SLC2A9: variants seen among roughly 807,000 people sequenced by gnomAD.
SLC2A9 encodes solute carrier family 2 member 9.
SLC2A9 carries 39 observed loss-of-function variants against 50.6 expected under a neutral mutation model. The ratio of observed to expected loss-of-function variants is 0.77; its 90% CI spans 0.60 to 1.01. The LOEUF (loss-of-function observed/expected upper bound fraction) is 1.01, where lower values mean the gene tolerates loss of function less well. Among genes scored for constraint, SLC2A9 ranks in the 50% least tolerant of loss-of-function variants. SLC2A9 has a pLI of 0.00. For synonymous variants in SLC2A9, 324 were observed against 276.9 expected (o/e 1.17, Z -1.69); for missense variants, 686 against 677.6 (o/e 1.01, Z -0.14).
chr4:9,792,161 TTC>T (rs1491396958), intron 3 of SLC2A9, among the ~76,000 whole-genome samples: 1 of 128,548 alleles, frequency 7.8e-6, no homozygotes, highest in African/African-American at 2.8e-5. Context: ...TATTCTATGT[TTC>T]TTTTTTTTTT....
chr4:9,887,888 A>T (rs1736587460), intron 9 of SLC2A9, among the ~76,000 whole-genome samples: 1 of 152,222 alleles, frequency 6.6e-6, no homozygotes, highest in African/African-American at 2.4e-5. Context: ...GTCCTGGCAT[A>T]CAGGAAGTGG....
intron 7 of SLC2A9, among the ~76,000 whole-genome samples, chr4:9,911,489 C>T (rs1057133901): frequency 1.3e-5 from 2 of 152,160 alleles, no homozygotes; most frequent in African/African-American, 2.4e-5. Flanking sequence ...GTGCATCCTG[C>T]CCCGGAGCCC....
chr4:9,918,108 T>C (rs1424381094), intron 7 of SLC2A9, among the ~76,000 whole-genome samples: 2 of 152,174 alleles, frequency 1.3e-5, no homozygotes, highest in Non-Finnish European at 2.9e-5. Context: ...CCTGTGGGGC[T>C]GTTTGGGGCT....
Position 10,000,232 on chromosome 4 carries a change from T to A in SLC2A9, c.250-3291A>T, listed in dbSNP as rs112018594. ...CAGACCTCAGTGCACAAGATACTGA[T>A]CTACGTCATCCACTGACTCATTCAA... On this transcript the variant is annotated intron_variant, in intron 2 of 11. Transcript: ENST00000264784. Among the ~76,000 whole-genome samples, 418 of 152,342 alleles carry A rather than the reference T, an allele frequency of 2.7e-3. 3 individuals are homozygous for A. Among genetic ancestry groups the A allele is most frequent in the African/African-American group, 9.3e-3 (387 of 41,582 alleles).
chr4:9,927,284 T>C (rs1172659217), intron 6 of SLC2A9, among the ~76,000 whole-genome samples: 1 of 152,278 alleles, frequency 6.6e-6, no homozygotes, highest in Non-Finnish European at 1.5e-5. Context: ...CCCAAAGTGC[T>C]GGGATTACAG....
At chr4:10,039,927 A>G (rs968395193) in intron 1 of SLC2A9, among the ~76,000 whole-genome samples, 1 of 152,272 alleles carries the variant, frequency 6.6e-6, no homozygotes, top group Non-Finnish European at 1.5e-5. Flanking sequence ...CGCCAGTTCC[A>G]GGGCAGCACT....
At chr4:9,808,485 T>G (rs2108976264) in intron 3 of SLC2A9, among the ~76,000 whole-genome samples, 1 of 152,246 alleles carries the variant, frequency 6.6e-6, no homozygotes, top group South Asian at 2.1e-4. Flanking sequence ...AATTCCTCAG[T>G]CCCTGGAATT....
At chr4:10,023,599 G>A (rs1763654690), upstream of SLC2A9, among the ~76,000 whole-genome samples, 1 of 152,218 alleles carries the variant, frequency 6.6e-6, no homozygotes, top group African/African-American at 2.4e-5. Flanking sequence ...GCTACAGCTG[G>A]ACAGAAAGTA....
intron 6 of SLC2A9, among the ~76,000 whole-genome samples, chr4:9,921,818 A>C (rs1421909057): frequency 1.3e-5 from 2 of 152,262 alleles, no homozygotes; most frequent in African/African-American, 2.4e-5. Flanking sequence ...AAAATGCAAC[A>C]TCTATGTGAT....
At chr4:9,844,017 T>C (rs1328685653) in intron 10 of SLC2A9, among the ~76,000 whole-genome samples, 1 of 152,142 alleles carries the variant, frequency 6.6e-6, no homozygotes, top group African/African-American at 2.4e-5. Context: ...ATTTGAGGCA[T>C]AGAATCCTAT....
intron 2 of SLC2A9, chr4:10,009,561 C>T (rs766025083): frequency 9.2e-5 from 14 of 152,182 alleles, no homozygotes; most frequent in Non-Finnish European, 1.8e-4. Context: ...TCTACAGAAA[C>T]CCTGGGCTTA....
At chr4:9,879,388 G>A in intron 10 of SLC2A9, 2 of 973,962 alleles carry the variant, frequency 2.1e-6, no homozygotes. Flanking sequence ...GTGTATGTGT[G>A]TGTGTGTGTG....
chr4:9,819,463 T>C (rs1357912556), intron 3 of SLC2A9, among the ~76,000 whole-genome samples: 1 of 152,242 alleles, frequency 6.6e-6, no homozygotes, highest in East Asian at 1.9e-4. Context: ...TTATTTGCCA[T>C]TTGTATACCT....
downstream of SLC2A9, among the ~76,000 whole-genome samples, chr4:9,824,875 C>T (rs566704010): frequency 1.2e-4 from 18 of 152,300 alleles, no homozygotes; most frequent in African/African-American, 4.3e-4. Context: ...TTCGTCTTGA[C>T]AAACACTGTC....
chr4:9,863,337 A>T (rs1323362918), intron 10 of SLC2A9, among the ~76,000 whole-genome samples: 1 of 151,874 alleles, frequency 6.6e-6, no homozygotes, highest in African/African-American at 2.4e-5. Flanking sequence ...TGTAGAGATG[A>T]GGTCTTGCTA....
At chr4:9,954,488 G>A (rs902530084) in intron 5 of SLC2A9, among the ~76,000 whole-genome samples, 2 of 152,244 alleles carry the variant, frequency 1.3e-5, no homozygotes, top group Non-Finnish European at 2.9e-5. Flanking sequence ...TACTTATGGG[G>A]TTACTGGGTG....
chr4:9,896,760 A>G (rs768420747), intron 8 of SLC2A9, among the ~76,000 whole-genome samples: 7 of 152,126 alleles, frequency 4.6e-5, no homozygotes, highest in Non-Finnish European at 7.3e-5. Flanking sequence ...GTATGGTATA[A>G]TAAGGGTTGC....
intron 10 of SLC2A9, chr4:9,879,233 A>T: frequency 1.0e-6 from 1 of 985,402 alleles, no homozygotes; most frequent in Non-Finnish European, 1.2e-6. Flanking sequence ...GTTTCTAAGA[A>T]AGTCTCAAGA....
intron 10 of SLC2A9, among the ~76,000 whole-genome samples, chr4:9,870,250 T>G (rs537008043): frequency 6.6e-6 from 1 of 152,334 alleles, no homozygotes; most frequent in Non-Finnish European, 1.5e-5. Flanking sequence ...CCACAGGAAA[T>G]GGATACAGCC....
Sources: allele counts gnomAD v4.1 joint callset (sites outside exome capture counted in the v4.1 genomes callset), GRCh38; gene constraint gnomAD v4.1.1; transcripts MANE v1.5; gene names NCBI Gene and HGNC (gene_info 2026-07-23, HGNC 2026-07-21).